PTPRN2: variants seen among roughly 807,000 people sequenced by gnomAD.
PTPRN2 encodes receptor-type tyrosine-protein phosphatase N2.
In PTPRN2, 74 loss-of-function variants were observed where a neutral mutation model predicts 118.8. The observed-to-expected ratio is 0.62, with a 90% CI of 0.52 to 0.76. The LOEUF is 0.76. PTPRN2 is among the 30% of genes least tolerant of loss of function. PTPRN2 has a pLI of 0.00. For missense variants in PTPRN2, 1,481 were observed against 1,394.4 expected, an observed-to-expected ratio of 1.06 and a Z score of -0.99; for synonymous variants, 641 against 608.0, an observed-to-expected ratio of 1.05 and a Z score of -0.80.
At chr7:157,605,605 A>G (rs1246161276) in intron 15 of PTPRN2, among the ~76,000 whole-genome samples, 1 of 152,208 alleles carries the variant, frequency 6.6e-6, no homozygotes, top group Non-Finnish European at 1.5e-5. Context: ...AGCAAGATGA[A>G]GAGGGGTTTA....
At chr7:157,885,172 A>G (rs1042637148) in intron 12 of PTPRN2, among the ~76,000 whole-genome samples, 8 of 152,144 alleles carry the variant, frequency 5.3e-5, no homozygotes, top group Non-Finnish European at 5.9e-5. Flanking sequence ...CTGGATGCTC[A>G]GTGGCTGCCC....
chr7:157,600,798 A>G (rs116281225), intron 16 of PTPRN2, among the ~76,000 whole-genome samples: 2,119 of 152,326 alleles, frequency 0.014, 50 homozygotes, highest in African/African-American at 0.048. Context: ...ATAAACCATT[A>G]TTATACACAG....
At chr7:157,781,400 T>C (rs556524733) in intron 12 of PTPRN2, among the ~76,000 whole-genome samples, 1 of 133,764 alleles carries the variant, frequency 7.5e-6, no homozygotes, top group Admixed American at 6.8e-5. Context: ...GCTTACAACA[T>C]GCGTGCCCTT....
At chr7:157,851,971 G>A (rs1265362436) in intron 12 of PTPRN2, among the ~76,000 whole-genome samples, 2 of 152,214 alleles carry the variant, frequency 1.3e-5, no homozygotes, top group Admixed American at 1.3e-4. Context: ...TTGACAAGAG[G>A]ACGTGTTACT....
At chr7:158,247,763 T>C (rs761945392) in intron 3 of PTPRN2, among the ~76,000 whole-genome samples, 1 of 152,122 alleles carries the variant, frequency 6.6e-6, no homozygotes, top group Non-Finnish European at 1.5e-5. Context: ...ATTACAGGCA[T>C]GCACCACCAT....
chr7:157,580,154 C>G (rs781733960), intron 17 of PTPRN2, among the ~76,000 whole-genome samples: 6 of 152,192 alleles, frequency 3.9e-5, no homozygotes, highest in Non-Finnish European at 8.8e-5. Context: ...GTGCTAACCC[C>G]TGGCACCTGT....
At chr7:158,088,002 C>T (rs1191718289) in intron 10 of PTPRN2, among the ~76,000 whole-genome samples, 1 of 118,602 alleles carries the variant, frequency 8.4e-6, no homozygotes, top group African/African-American at 2.9e-5. Context: ...AAACCTTCTT[C>T]CCCTGAGGAA....
intron 11 of PTPRN2, among the ~76,000 whole-genome samples, chr7:158,040,736 C>CTTTTTTTTTTTTTTTTTTTTTT (rs58192875): frequency 4.2e-5 from 6 of 142,204 alleles, no homozygotes; most frequent in Admixed American, 7.0e-5. Context: ...TTTTTTCTTT[C>CTTTTTTTTTTTTTTTTTTTTTT]TTTTTTTTTT....
chr7:158,419,445 A>C (rs984462938), intron 2 of PTPRN2, among the ~76,000 whole-genome samples: 2 of 23,876 alleles, frequency 8.4e-5, no homozygotes, highest in African/African-American at 3.2e-4. Context: ...CACTCATCAG[A>C]GACTGAGGAA....
At position 157,671,474 on chromosome 7, in the gene PTPRN2, G is replaced by T. The variant is rs184186634; in HGVS notation, c.2001+11251C>A. ...TGAGATGGAAGCTCAGGGGACGGGG[G>T]TCTGCACAGGGCTGGACAGATGGGA... On this transcript the variant is annotated intron_variant, in intron 13 of 22. Coordinates refer to ENST00000389418, the MANE Select transcript of PTPRN2 (RefSeq NM_002847.5). This position sits in a 1 kb window ranked among gnomAD's most constrained non-coding sequence, Gnocchi z 4.1. 7.9e-5 allele frequency among the ~76,000 whole-genome samples: 12 copies of T among 152,292 alleles called. No individual in the cohort carries two copies. The highest frequency in any genetic ancestry group is 7.8e-4 in the Admixed American group (12 of 15,306).
intron 2 of PTPRN2, among the ~76,000 whole-genome samples, chr7:158,429,613 T>C (rs1258812707): frequency 6.6e-6 from 1 of 152,216 alleles, no homozygotes; most frequent in East Asian, 1.9e-4. Context: ...CTCAAGCACA[T>C]GGCCATCCCA....
At chr7:157,997,791 G>A (rs996443006) in intron 11 of PTPRN2, among the ~76,000 whole-genome samples, 1 of 147,182 alleles carries the variant, frequency 6.8e-6, no homozygotes, top group African/African-American at 2.5e-5. Context: ...AGGAATGTGG[G>A]GCCGGAGGAA....
intron 2 of PTPRN2, among the ~76,000 whole-genome samples, chr7:158,336,826 C>G (rs1333487818): frequency 2.0e-5 from 2 of 102,366 alleles, no homozygotes; most frequent in East Asian, 3.2e-4. Context: ...AGAAGTGACA[C>G]CTGCAGACGT....
intron 11 of PTPRN2, among the ~76,000 whole-genome samples, chr7:158,077,138 C>T (rs1440204322): frequency 6.6e-6 from 1 of 152,212 alleles, no homozygotes; most frequent in Admixed American, 6.5e-5. Context: ...ACGCTGCGGG[C>T]TATGGGGTCC....
intron 11 of PTPRN2, among the ~76,000 whole-genome samples, chr7:158,065,940 G>A (rs186969091): frequency 2.0e-5 from 3 of 152,278 alleles, no homozygotes; most frequent in African/African-American, 4.8e-5. Flanking sequence ...GAGGTGGATG[G>A]GCAGGAATGC....
At chr7:158,249,543 A>G (rs565377832) in intron 3 of PTPRN2, among the ~76,000 whole-genome samples, 11 of 148,754 alleles carry the variant, frequency 7.4e-5, no homozygotes, top group African/African-American at 2.7e-4. Context: ...GCATACATAC[A>G]CATATCTACC....
Position 157,861,131 on chromosome 7 carries a change from G to A in PTPRN2, c.1788+37542C>T, listed in dbSNP as rs900404581. On this transcript the variant is annotated intron_variant, in intron 12 of 22. Transcript: ENST00000389418. This position sits in a 1 kb window ranked among gnomAD's most constrained non-coding sequence, Gnocchi z 5.8. Reference sequence around the variant, plus strand: ...CCCAGCACGGGCGCTTTGGGATGTCGGCAGAGGCACGCATGCCTCCAGGGA... The same window carrying A: ...CCCAGCACGGGCGCTTTGGGATGTCAGCAGAGGCACGCATGCCTCCAGGGA... Among the ~76,000 whole-genome samples the A allele has an allele frequency of 3.9e-5, 6 of 152,200 alleles. No individual in the cohort carries two copies. Among genetic ancestry groups the A allele is most frequent in the Admixed American group, 1.3e-4 (2 of 15,286 alleles).
chr7:158,292,803 C>T (rs76967894), intron 3 of PTPRN2, among the ~76,000 whole-genome samples: 10 of 152,212 alleles, frequency 6.6e-5, no homozygotes, highest in Non-Finnish European at 1.2e-4. Flanking sequence ...CATGGTGGCT[C>T]ACGCCTGTAA....
At chr7:158,366,518 C>T (rs998326636) in intron 2 of PTPRN2, among the ~76,000 whole-genome samples, 2 of 152,256 alleles carry the variant, frequency 1.3e-5, no homozygotes, top group African/African-American at 4.8e-5. Context: ...ACCCTGCACA[C>T]GGCTCTGTGA....
Sources: gnomAD v4.1 joint callset for allele counts (sites outside exome capture counted in the v4.1 genomes callset) on GRCh38, gnomAD v4.1.1 for gene constraint, Gnocchi (gnomAD v3.1) non-coding constraint, MANE v1.5 for transcripts, NCBI Gene and HGNC (gene_info 2026-07-23, HGNC 2026-07-21) for gene names.